WNT9A: variants seen among roughly 807,000 people sequenced by gnomAD.
WNT9A encodes the protein Wnt family member 9A.
WNT9A carries 8 observed loss-of-function variants against 31.4 expected under a neutral mutation model. That is an observed-to-expected ratio of 0.26 (90% CI 0.15 to 0.46). The LOEUF is 0.46. WNT9A is among the 20% of genes least tolerant of loss of function. The pLI is 0.99. For synonymous variants in WNT9A, 236 were observed against 220.1 expected (o/e 1.07, Z -0.64); for missense variants, 457 against 522.9 (o/e 0.87, Z 1.23).
chr1:227,947,402 G>C (rs890901780), intron 1 of WNT9A, among the ~76,000 whole-genome samples: 5 of 152,314 alleles, frequency 3.3e-5, no homozygotes, highest in African/African-American at 7.2e-5. Flanking sequence ...AAGAGAAAGG[G>C]GGGGAAGCTG....
At chr1:227,924,060 A>G in intron 3 of WNT9A, 78 bp downstream of exon 3, 64 of 41,760 alleles carry the variant, frequency 1.5e-3, no homozygotes, top group East Asian at 3.8e-3. Context: ...CCCCGCCCCC[A>G]GTCCCACGCC....
rs1437299768 is a variant in WNT9A at position 227,925,937 on chromosome 1, AC to A, written c.96-419del. Among the ~76,000 whole-genome samples, 1 of 151,488 alleles carries A rather than the reference AC, an allele frequency of 6.6e-6. No individual in the cohort carries two copies. The highest frequency in any genetic ancestry group is 2.0e-4 in the East Asian group (1 of 5,108). ...CTGATGGGCGTCTGCCACATCCTCC[AC>A]CCTCTTTGGCCCCAGCTGACCCGCA... On this transcript the variant is annotated intron_variant, in intron 1 of 3. Transcript: ENST00000272164. This position sits in a 1 kb window ranked among gnomAD's most constrained non-coding sequence, Gnocchi z 6.0.
rs773109746 is a variant in WNT9A at position 227,924,178 on chromosome 1, C to T, written c.575G>A (p.Arg192Gln). The T allele has an allele frequency of 1.3e-5, 21 of 1,612,378 alleles. No homozygotes were observed. Among genetic ancestry groups the T allele is most frequent in the Middle Eastern group, 1.6e-4 (1 of 6,084 alleles). ...FLGRRSSKDL[R>Q]ARVDFHNNLV... is the part of the protein sequence containing the mutation. ...GTTGTTGTGGAAGTCCACACGGGCT[C>T]GCAGATCCTTGCTTGACCGTCTGCC... is the stretch of plus-strand genomic sequence containing the variant. The change falls in exon 3 of 4, where the codon CGA (arginine) becomes CAA (glutamine). Residue 192 changes from arginine (R) to glutamine (Q), a missense_variant. Physicochemically the swap from Arg to Gln is conservative, Grantham distance 43. Coordinates refer to ENST00000272164, the MANE Select transcript of WNT9A (RefSeq NM_003395.4).
At chr1:227,947,081 A>G (rs1666806514) in intron 1 of WNT9A, among the ~76,000 whole-genome samples, 1 of 152,086 alleles carries the variant, frequency 6.6e-6, no homozygotes, top group Admixed American at 6.5e-5. Context: ...GGGGGAGGGA[A>G]GAAGGAAGGG....
chr1:227,932,994 T>C (rs1400046545), intron 1 of WNT9A, among the ~76,000 whole-genome samples: 1 of 152,258 alleles, frequency 6.6e-6, no homozygotes, highest in Non-Finnish European at 1.5e-5. Context: ...ACTTAAAAGT[T>C]ACCAGCTGCA....
chr1:227,934,762 G>A (rs985525163), intron 1 of WNT9A, among the ~76,000 whole-genome samples: 6 of 152,134 alleles, frequency 3.9e-5, no homozygotes, highest in South Asian at 2.1e-4. Context: ...TTCAGGTCAC[G>A]ACGCAGAGCC....
intron 3 of WNT9A, among the ~76,000 whole-genome samples, chr1:227,923,581 G>T (rs551304235): frequency 1.3e-5 from 2 of 152,286 alleles, no homozygotes; most frequent in East Asian, 3.9e-4. Flanking sequence ...TTTAGGTTGG[G>T]ATTCTGTCTC....
At chr1:227,933,237 C>T (rs1326722978) in intron 1 of WNT9A, among the ~76,000 whole-genome samples, 2 of 152,204 alleles carry the variant, frequency 1.3e-5, no homozygotes, top group Non-Finnish European at 1.5e-5. Flanking sequence ...GTTACAGAGA[C>T]CGCTTCTTTC....
chr1:227,929,974 C>T (rs957076100), intron 1 of WNT9A, among the ~76,000 whole-genome samples: 6 of 152,142 alleles, frequency 3.9e-5, no homozygotes, highest in Non-Finnish European at 7.3e-5. Context: ...CAGCATACTT[C>T]TGTGTTTTAT....
chr1:227,944,785 C>T (rs1666768911), intron 1 of WNT9A, among the ~76,000 whole-genome samples: 1 of 152,246 alleles, frequency 6.6e-6, no homozygotes, highest in Non-Finnish European at 1.5e-5. Context: ...CCATCGTGCC[C>T]CCGCAAAGTA....
intron 3 of WNT9A, 53 bp downstream of exon 3, chr1:227,924,085 C>CCCCCCCCCCTTT: frequency 9.4e-7 from 1 of 1,063,498 alleles, no homozygotes; most frequent in Non-Finnish European, 1.3e-6. Context: ...CCCCAACCCC[C>CCCCCCCCCCTTT]TGACGCTCTT....
chr1:227,921,190 T>C lies in WNT9A; in HGVS notation c.*328A>G. On this transcript the variant is annotated 3_prime_UTR_variant, in exon 4 of 4. Transcript: ENST00000272164. ...CTCAGCCCTTGCAGGTGTACACTCC[T>C]CACACCGTGTGCAATGCCTGTGCCA... The C allele has an allele frequency of 3.1e-6, 1 of 323,416 alleles. No homozygotes were observed. Among genetic ancestry groups the C allele is most frequent in the Non-Finnish European group, 5.8e-6 (1 of 171,642 alleles). 20.0% of individuals were successfully genotyped at this position (323,416 alleles called of 1,614,324 possible). A position where few individuals can be genotyped will look rare whatever the true frequency, so the allele number is the denominator to read the frequency against.
Position 227,927,780 on chromosome 1 carries a change from C to T in WNT9A, c.96-2261G>A, listed in dbSNP as rs1049017127. ...CCAGGCCTGGACCCGCCAGGACCCA[C>T]GAGCCCCAAGCCACTGTCCCAGAAA... On this transcript the variant is annotated intron_variant, in intron 1 of 3. Transcript: ENST00000272164. 2.6e-5 allele frequency among the ~76,000 whole-genome samples: 4 copies of T among 152,128 alleles called. No homozygotes were observed. The East Asian group carries it at 5.8e-4, about 22-fold the overall frequency.
chr1:227,946,809 G>A (rs1003423048), intron 1 of WNT9A, among the ~76,000 whole-genome samples: 40 of 152,144 alleles, frequency 2.6e-4, no homozygotes, highest in African/African-American at 9.2e-4. Flanking sequence ...GCGCGCTGGC[G>A]CTCAGGCCAG....
Position 227,925,971 on chromosome 1 carries a change from G to A in WNT9A, c.96-452C>T, listed in dbSNP as rs144920102. ...GGCCCCAGCTGACCCGCAGGATCCC[G>A]CCTGAGGTCCCCCTACCCTCTGCCA... On this transcript the variant is annotated intron_variant, in intron 1 of 3. Transcript: ENST00000272164. The surrounding 1 kb of genome is among the most constrained non-coding windows in gnomAD (Gnocchi z 6.0). Among the ~76,000 whole-genome samples, 186 of 152,098 alleles carry A rather than the reference G, an allele frequency of 1.2e-3. No individual in the cohort carries two copies. Among genetic ancestry groups the A allele is most frequent in the Admixed American group, 2.1e-3 (32 of 15,296 alleles).
intron 1 of WNT9A, among the ~76,000 whole-genome samples, chr1:227,933,393 T>C (rs1558262018): frequency 6.6e-6 from 1 of 152,236 alleles, no homozygotes; most frequent in Non-Finnish European, 1.5e-5. Context: ...GCTGGTTTGA[T>C]CTTCTATCCA....
intron 1 of WNT9A, among the ~76,000 whole-genome samples, chr1:227,941,257 G>A (rs1046760880): frequency 1.3e-5 from 2 of 152,136 alleles, no homozygotes; most frequent in Non-Finnish European, 2.9e-5. Flanking sequence ...GGGATAGGAG[G>A]GCACACAGAA....
In WNT9A at chr1:227,935,466, C is replaced by T. The variant is rs577743557; in HGVS notation, c.96-9947G>A. Among the ~76,000 whole-genome samples the T allele has an allele frequency of 9.2e-5, 14 of 152,344 alleles. 1 individual carries two copies. The South Asian group carries it at 2.7e-3, about 29-fold the overall frequency. On this transcript the variant is annotated intron_variant, in intron 1 of 3. Transcript: ENST00000272164. The stretch of plus-strand genomic sequence containing the variant: ...AGAGCCTGGTTCACCATCTGGCCCT[C>T]TCCTCCTTCTTCTCTCGAGATTCCC...
At chr1:227,933,975 G>A (rs1426219758) in intron 1 of WNT9A, among the ~76,000 whole-genome samples, 3 of 152,270 alleles carry the variant, frequency 2.0e-5, no homozygotes, top group South Asian at 2.1e-4. Flanking sequence ...TTATTTCACC[G>A]AACACAATGT....
Sources: allele counts gnomAD v4.1 joint callset (sites outside exome capture counted in the v4.1 genomes callset), GRCh38; gene constraint gnomAD v4.1.1; non-coding constraint Gnocchi (gnomAD v3.1); transcripts MANE v1.5; gene names NCBI Gene and HGNC (gene_info 2026-07-23, HGNC 2026-07-21).